The following PLCE1 variants were observed in gnomAD, a reference collection of about 807,000 sequenced individuals.
The protein encoded by PLCE1 is phospholipase C epsilon 1.
In PLCE1, 119 loss-of-function variants were observed where a neutral mutation model predicts 242.8. That is an observed-to-expected ratio of 0.49 (90% confidence interval 0.42 to 0.57). The LOEUF (loss-of-function observed/expected upper bound fraction) is 0.57. PLCE1 is among the 20% of genes least tolerant of loss of function. The pLI is 0.00. For missense variants in PLCE1, 2,441 were observed against 2,788.8 expected (o/e 0.88, Z 2.81); for synonymous variants, 945 against 1,017.4 (o/e 0.93, Z 1.35).
chr10:94,286,822 A>T (rs112706724), intron 22 of PLCE1: 2 of 152,164 alleles, frequency 1.3e-5, no homozygotes, highest in African/African-American at 2.4e-5. Context: ...TCTTTTTCTG[A>T]TGGAGTAAAA....
At chr10:94,289,585 G>C (rs968948711) in intron 22 of PLCE1, among the ~76,000 whole-genome samples, 1 of 152,178 alleles carries the variant, frequency 6.6e-6, no homozygotes, top group Non-Finnish European at 1.5e-5. Flanking sequence ...CAGCCTGTAC[G>C]GCATGTTACT....
At chr10:94,160,128 A>G (rs1310277804) in intron 3 of PLCE1, among the ~76,000 whole-genome samples, 1 of 152,212 alleles carries the variant, frequency 6.6e-6, no homozygotes, top group East Asian at 1.9e-4. Context: ...CTCTGGGTAT[A>G]TACCCAGGAA....
chr10:94,113,375 C>G (rs1365997262), intron 2 of PLCE1, among the ~76,000 whole-genome samples: 1 of 151,582 alleles, frequency 6.6e-6, no homozygotes, highest in African/African-American at 2.4e-5. Context: ...ACACCCATTC[C>G]TTTCAAAACT....
intron 2 of PLCE1, among the ~76,000 whole-genome samples, chr10:94,048,646 A>C (rs1435767155): frequency 6.8e-6 from 1 of 147,938 alleles, no homozygotes; most frequent in Non-Finnish European, 1.5e-5. Flanking sequence ...GATTTATTAA[A>C]TATATATATG....
At position 94,316,528 on chromosome 10, in the gene PLCE1, G is replaced by A. The variant is rs1253104213; in HGVS notation, c.6133-19G>A. The A allele has an allele frequency of 7.7e-6, 12 of 1,552,482 alleles. No homozygotes were observed. Among genetic ancestry groups the A allele is most frequent in the Non-Finnish European group, 9.8e-6 (11 of 1,126,724 alleles). The stretch of plus-strand genomic sequence containing the variant: ...AAGTTTTTGCCTCACTCCTCAGTTT[G>A]CCTTCACTTTTTCTTTAGATTCTGA... On this transcript the variant is annotated intron_variant, in intron 28 of 32. Transcript: ENST00000371380.
intron 18 of PLCE1, among the ~76,000 whole-genome samples, chr10:94,270,899 G>A (rs1303249539): frequency 6.6e-6 from 1 of 152,118 alleles, no homozygotes; most frequent in African/African-American, 2.4e-5. Context: ...GGAACTCCTG[G>A]CTTCAAGTGA....
chr10:94,093,604 G>A (rs2045165256), intron 2 of PLCE1, among the ~76,000 whole-genome samples: 1 of 152,218 alleles, frequency 6.6e-6, no homozygotes. Flanking sequence ...TGAGTTCCTA[G>A]CTGCACAGTC....
intron 14 of PLCE1, among the ~76,000 whole-genome samples, chr10:94,262,960 C>T (rs2051361270): frequency 6.6e-6 from 1 of 151,058 alleles, no homozygotes; most frequent in South Asian, 2.1e-4. Flanking sequence ...CAACCTCCGC[C>T]TCCCAGGTTC....
intron 32 of PLCE1, among the ~76,000 whole-genome samples, chr10:94,326,613 A>C (rs1218977674): frequency 3.5e-4 from 53 of 152,260 alleles, no homozygotes; most frequent in Non-Finnish European, 5.9e-5. Context: ...TAAGTACAGA[A>C]GAATACAACT....
intron 4 of PLCE1, among the ~76,000 whole-genome samples, chr10:94,216,960 G>A (rs374205526): frequency 1.9e-4 from 28 of 150,606 alleles, no homozygotes; most frequent in East Asian, 1.4e-3. Context: ...ACATTACCAT[G>A]CTCTACTATC....
chr10:94,022,061 A>G (rs1589867112), intron 1 of PLCE1, among the ~76,000 whole-genome samples: 1 of 152,052 alleles, frequency 6.6e-6, no homozygotes, highest in Non-Finnish European at 1.5e-5. Context: ...GAGTAAGGCA[A>G]GAAAAATAAA....
intron 22 of PLCE1, chr10:94,287,111 T>G (rs2133369622): frequency 1.3e-5 from 2 of 152,368 alleles, no homozygotes; most frequent in Middle Eastern, 6.8e-3. Flanking sequence ...TGATAGAGCT[T>G]CTAAGCATGT....
chr10:94,168,409 A>G (rs1392756015), intron 3 of PLCE1, among the ~76,000 whole-genome samples: 1 of 152,228 alleles, frequency 6.6e-6, no homozygotes, highest in Non-Finnish European at 1.5e-5. Flanking sequence ...TGGGTATTCC[A>G]GCTTTAAGGA....
intron 16 of PLCE1, 22 bp from the exon 17 acceptor site, chr10:94,268,907 G>T: frequency 7.0e-7 from 1 of 1,431,878 alleles, no homozygotes; most frequent in Non-Finnish European, 9.9e-7. Flanking sequence ...ACCTGGGGTG[G>T]ATTCGCTCAT....
chr10:94,195,477 G>A (rs1271904169), intron 4 of PLCE1, among the ~76,000 whole-genome samples: 2 of 152,100 alleles, frequency 1.3e-5, no homozygotes, highest in African/African-American at 4.8e-5. Context: ...ATCTAGGAAT[G>A]TCACCCTAAG....
At chr10:94,216,404 G>A (rs932519070) in intron 4 of PLCE1, among the ~76,000 whole-genome samples, 1 of 152,154 alleles carries the variant, frequency 6.6e-6, no homozygotes, top group Non-Finnish European at 1.5e-5. Flanking sequence ...GTGCTCTAGT[G>A]CCCACTGGAG....
At chr10:94,267,879 G>C (rs887894744) in intron 16 of PLCE1, among the ~76,000 whole-genome samples, 1 of 152,192 alleles carries the variant, frequency 6.6e-6, no homozygotes, top group East Asian at 1.9e-4. Flanking sequence ...CCATATAAAA[G>C]TGTTAAAATG....
chr10:94,100,564 A>G (rs2045493558), intron 2 of PLCE1: 1 of 152,222 alleles, frequency 6.6e-6, no homozygotes, highest in Non-Finnish European at 1.5e-5. Context: ...GGTGTAAAAC[A>G]ATGAAATCAT....
chr10:94,089,130 T>G, intron 2 of PLCE1: 1 of 1,613,986 alleles, frequency 6.2e-7, no homozygotes, highest in Non-Finnish European at 8.5e-7. Flanking sequence ...GAAGAGACTT[T>G]GCAGGAATGG....
Sources: allele counts gnomAD v4.1 joint callset (sites outside exome capture counted in the v4.1 genomes callset), GRCh38; gene constraint gnomAD v4.1.1; transcripts MANE v1.5; gene names NCBI Gene and HGNC (gene_info 2026-07-23, HGNC 2026-07-21).